CSMD3: variants seen among roughly 807,000 people sequenced by gnomAD.
CSMD3 encodes CUB and Sushi multiple domains 3, also known as CUB and sushi domain-containing protein 3.
A neutral mutation model predicts 435.2 loss-of-function variants in CSMD3; 177 were observed. That is an observed-to-expected ratio of 0.41 (90% confidence interval 0.36 to 0.46). The LOEUF is 0.46. Ranked by LOEUF, CSMD3 falls within the 20% of genes least tolerant of loss-of-function variation. The pLI is 0.34. For missense variants in CSMD3, 4,265 were observed against 4,504.6 expected (o/e 0.95, Z 1.52); for synonymous variants, 1,656 against 1,520.5 (o/e 1.09, Z -2.07).
intron 3 of CSMD3, among the ~76,000 whole-genome samples, chr8:113,269,346 G>T (rs1314908894): frequency 1.3e-5 from 2 of 151,974 alleles, no homozygotes; most frequent in Non-Finnish European, 2.9e-5. Context: ...CATGCTCATG[G>T]ATAGGAAGAA....
At chr8:112,305,985 G>A (rs2130785837) in intron 51 of CSMD3, 22 bp downstream of exon 51, 5 of 1,598,146 alleles carry the variant, frequency 3.1e-6, no homozygotes, top group Non-Finnish European at 4.3e-6. Context: ...AACAAGTGAT[G>A]AAATTCCCTT....
At chr8:112,547,712 G>T (rs1194191397) in intron 27 of CSMD3, among the ~76,000 whole-genome samples, 1 of 152,066 alleles carries the variant, frequency 6.6e-6, no homozygotes, top group Non-Finnish European at 1.5e-5. Flanking sequence ...GAGTCTGGAA[G>T]AATGAGCAGA....
chr8:113,008,003 A>C (rs1398559397), intron 6 of CSMD3, among the ~76,000 whole-genome samples: 1 of 151,850 alleles, frequency 6.6e-6, no homozygotes, highest in Non-Finnish European at 1.5e-5. Flanking sequence ...AAATATCTCA[A>C]TATCTTCTCA....
intron 13 of CSMD3, among the ~76,000 whole-genome samples, chr8:112,736,705 C>G (rs1186361525): frequency 6.6e-6 from 1 of 151,912 alleles, no homozygotes; most frequent in East Asian, 1.9e-4. Flanking sequence ...TCCTGCTGGG[C>G]TGTGAGATAG....
At chr8:113,117,899 T>A (rs375859978) in intron 4 of CSMD3, among the ~76,000 whole-genome samples, 2 of 152,352 alleles carry the variant, frequency 1.3e-5, no homozygotes, top group Admixed American at 6.5e-5. Flanking sequence ...ATTTGCCCAA[T>A]GCCTATATCC....
intron 3 of CSMD3, among the ~76,000 whole-genome samples, chr8:113,184,331 A>G (rs1352931143): frequency 6.6e-6 from 1 of 151,924 alleles, no homozygotes; most frequent in Non-Finnish European, 1.5e-5. Context: ...GATGAAACCA[A>G]TAGTCATTGG....
Position 113,382,917 on chromosome 8 carries a change from G to T in CSMD3, c.178+53760C>A, listed in dbSNP as rs143909003. On this transcript the variant is annotated intron_variant, in intron 1 of 70. Coordinates refer to ENST00000297405, the MANE Select transcript of CSMD3 (RefSeq NM_198123.2). ...AATCCCTTGAACATGGCAAGTGGAG[G>T]TTGCAGTGAGCTGAGATCGTGCCAC... Among the ~76,000 whole-genome samples the T allele has an allele frequency of 2.1e-4, 32 of 152,294 alleles. No homozygotes were observed. The East Asian group carries it at 6.2e-3, about 29-fold the overall frequency.
rs181132506 is a variant in CSMD3 at position 113,031,131 on chromosome 8, G to A, written c.918-11952C>T. Among the ~76,000 whole-genome samples the A allele has an allele frequency of 4.2e-4, 64 of 151,702 alleles. No homozygotes were observed. The East Asian group carries it at 0.011, about 26-fold the overall frequency. On this transcript the variant is annotated intron_variant, in intron 5 of 70. Coordinates refer to ENST00000297405, the MANE Select transcript of CSMD3 (RefSeq NM_198123.2). ...GCACTTGCCATGCAATTCTGAAATT[G>A]TACTATTGAGTACTCATTATCCCAG... is the stretch of plus-strand genomic sequence containing the variant.
At chr8:112,589,332 A>G (rs1830983055) in intron 22 of CSMD3, among the ~76,000 whole-genome samples, 1 of 152,096 alleles carries the variant, frequency 6.6e-6, no homozygotes, top group Non-Finnish European at 1.5e-5. Flanking sequence ...TGAATGTGCT[A>G]TTTTCTCCGC....
intron 5 of CSMD3, among the ~76,000 whole-genome samples, chr8:113,023,411 CCT>C (rs2086757202): frequency 6.6e-6 from 1 of 151,688 alleles, no homozygotes; most frequent in African/African-American, 2.4e-5. Flanking sequence ...TCTCTCTCTC[CCT>C]CTCTCAAGCA....
At chr8:113,230,293 T>G (rs770382555) in intron 3 of CSMD3, among the ~76,000 whole-genome samples, 13 of 151,634 alleles carry the variant, frequency 8.6e-5, no homozygotes, top group African/African-American at 3.1e-4. Flanking sequence ...TGAACTTCAG[T>G]TTTTTTTCCT....
chr8:112,310,715 G>C, intron 50 of CSMD3: 2 of 519,060 alleles, frequency 3.9e-6, no homozygotes, highest in Non-Finnish European at 7.0e-6. Context: ...CTGGAATGGA[G>C]GATGTATGAA....
intron 3 of CSMD3, among the ~76,000 whole-genome samples, chr8:113,224,786 CTT>C (rs913395797): frequency 1.4e-5 from 2 of 147,700 alleles, no homozygotes; most frequent in African/African-American, 4.9e-5. Flanking sequence ...AATTCTGGCT[CTT>C]GTGTAAATTT....
chr8:112,721,820 G>T (rs1358747250), intron 13 of CSMD3, among the ~76,000 whole-genome samples: 1 of 152,060 alleles, frequency 6.6e-6, no homozygotes, highest in Non-Finnish European at 1.5e-5. Flanking sequence ...GTTTTGAAGG[G>T]ATGATATTAA....
Position 112,265,486 on chromosome 8 carries a change from T to C in CSMD3, c.9613A>G (p.Met3205Val), listed in dbSNP as rs762522299. The C allele has an allele frequency of 7.4e-6, 12 of 1,613,686 alleles. No homozygotes were observed. Among genetic ancestry groups the C allele is most frequent in the Non-Finnish European group, 1.0e-5 (12 of 1,179,752 alleles). The change falls in exon 60 of 71, where the codon ATG becomes GTG. Residue 3205 changes from methionine (M) to valine (V), a missense_variant. Physicochemically the swap from Met to Val is conservative, Grantham distance 21. Around this residue, in one of 3 missense-constraint regions of CSMD3, gnomAD observed 3,255 missense variants for 3,380.2 expected, o/e 0.96. Coordinates refer to ENST00000297405, the MANE Select transcript of CSMD3 (RefSeq NM_198123.2). ...CTGATTCTGGAGCCATTCAATTCCA[T>C]CGTGTAGCCTGGCTGGCACATGTAA... Reference protein sequence around the residue: ...VSYMCQPGYTMELNGSRIRTC... With the variant: ...VSYMCQPGYTVELNGSRIRTC...
In CSMD3 at chr8:113,017,472, AT is replaced by A. The variant is rs1416694534; in HGVS notation, c.1030+1594del. Reference sequence around the variant, plus strand: ...TTTTTGCTCCAGTTTCTACATATAAATATAAAATATATGCTACTTTATTTCT... The same window carrying A: ...TTTTTGCTCCAGTTTCTACATATAAAATAAAATATATGCTACTTTATTTCT... On this transcript the variant is annotated intron_variant, in intron 6 of 70. Transcript: ENST00000297405. Among the ~76,000 whole-genome samples the A allele has an allele frequency of 5.9e-5, 9 of 152,052 alleles. No homozygotes were observed. The South Asian group carries it at 1.9e-3, about 31-fold the overall frequency.
rs375456987 is a variant in CSMD3, at chr8:113,432,665, C to T, written c.178+4012G>A. The stretch of plus-strand genomic sequence containing the variant: ...GAGCCACAATCCCCACTCGTTGTTT[C>T]CCCAATGTGCTTTCCGAACTCCCCG... On this transcript the variant is annotated intron_variant, in intron 1 of 70. Transcript: ENST00000297405. Among the ~76,000 whole-genome samples the T allele has an allele frequency of 1.4e-4, 21 of 152,284 alleles. 1 individual carries two copies. The highest frequency in any genetic ancestry group is 4.8e-4 in the African/African-American group (20 of 41,560).
intron 13 of CSMD3, among the ~76,000 whole-genome samples, chr8:112,696,716 T>C (rs1042547234): frequency 1.3e-5 from 2 of 151,490 alleles, no homozygotes; most frequent in Non-Finnish European, 3.0e-5. Context: ...AAAGCCAAAA[T>C]TGACAAATGG....
At chr8:112,395,858 AT>A (rs1830818219) in intron 35 of CSMD3, among the ~76,000 whole-genome samples, 1 of 152,050 alleles carries the variant, frequency 6.6e-6, no homozygotes, top group African/African-American at 2.4e-5. Context: ...CATAAGTTTT[AT>A]TTTTCAGTTT....
Sources: gnomAD v4.1 joint callset for allele counts (sites outside exome capture counted in the v4.1 genomes callset) on GRCh38, gnomAD v4.1.1 for gene constraint, gnomAD v4.1.1 regional missense constraint, MANE v1.5 for transcripts, NCBI Gene and HGNC (gene_info 2026-07-23, HGNC 2026-07-21) for gene names.